TRAPPC11: variants seen among roughly 807,000 people sequenced by gnomAD.
The protein encoded by TRAPPC11 is trafficking protein particle complex subunit 11.
A neutral mutation model predicts 151.2 loss-of-function variants in TRAPPC11; 104 were observed. The observed-to-expected ratio is 0.69, with a 90% CI of 0.59 to 0.81. The LOEUF (loss-of-function observed/expected upper bound fraction) is 0.81. Ranked by LOEUF, TRAPPC11 falls within the 30% of genes least tolerant of loss-of-function variation. The pLI, the probability that TRAPPC11 is intolerant of heterozygous loss-of-function variation, is 0.00. For synonymous variants in TRAPPC11, 456 were observed against 472.3 expected, an observed-to-expected ratio of 0.97 and a Z score of 0.45; for missense variants, 1,230 against 1,349.6, an observed-to-expected ratio of 0.91 and a Z score of 1.39.
chr4:183,675,088 C>T (rs1735345920), intron 6 of TRAPPC11, 76 bp from the exon 7 acceptor site: 1 of 753,746 alleles, frequency 1.3e-6, no homozygotes, highest in Non-Finnish European at 2.0e-6. Flanking sequence ...TCTTTTATGT[C>T]TCCTCATAAT....
At chr4:183,703,945 A>C (rs550284234) in intron 26 of TRAPPC11, among the ~76,000 whole-genome samples, 1 of 152,362 alleles carries the variant, frequency 6.6e-6, no homozygotes, top group Admixed American at 6.5e-5. Flanking sequence ...GAGTTACAAT[A>C]GTGCTCTTCA....
intron 6 of TRAPPC11, 71 bp from the exon 7 acceptor site, chr4:183,675,093 C>A: frequency 1.3e-6 from 1 of 799,982 alleles, no homozygotes; most frequent in South Asian, 2.7e-5. Flanking sequence ...TATGTCTCCT[C>A]ATAATAAACA....
In TRAPPC11 at chr4:183,663,938, G is replaced by A; in HGVS notation, c.71G>A (p.Gly24Asp). ...CCTATGGCCTTTGTTACTCTAACGG[G>A]CCTGGATGTAGTTTATAATGCAGTC... Reference protein sequence around the residue: ...CRPMAFVTLTGLDVVYNAVHR... With the variant: ...CRPMAFVTLTDLDVVYNAVHR... The change falls in exon 2 of 30, where the codon GGC (glycine) becomes GAC (aspartate). Residue 24 changes from glycine (G) to aspartate (D), a missense_variant. By Grantham distance (94) the Gly-to-Asp change is moderately conservative (BLOSUM62 -1). Coordinates refer to ENST00000334690, the MANE Select transcript of TRAPPC11 (RefSeq NM_021942.6). The A allele has an allele frequency of 1.2e-6, 2 of 1,614,126 alleles. No individual in the cohort carries two copies. Among genetic ancestry groups the A allele is most frequent in the Non-Finnish European group, 1.7e-6 (2 of 1,180,036 alleles).
At chr4:183,689,863 A>G (rs1246077474) in intron 18 of TRAPPC11, among the ~76,000 whole-genome samples, 1 of 152,084 alleles carries the variant, frequency 6.6e-6, no homozygotes, top group Non-Finnish European at 1.5e-5. Flanking sequence ...ATATAAAGCA[A>G]TTAGTTTTAA....
At position 183,700,825 on chromosome 4, in the gene TRAPPC11, A is replaced by G. The variant is rs1579218445; in HGVS notation, c.2852-872A>G. 3.3e-5 allele frequency: 5 copies of G among 152,132 alleles called. No homozygotes were observed. In the East Asian group the frequency reaches 5.8e-4, roughly 18 times the overall value. 9.4% of individuals were successfully genotyped at this position (152,132 alleles called of 1,614,324 possible). On this transcript the variant is annotated intron_variant, in intron 25 of 29. Transcript: ENST00000334690. ...AAATCTGAAATCTGAAATGCTTTAA[A>G]GAACATTTCCTCTTTTAAAAAAAAA...
At chr4:183,673,252 C>T (rs143438066) in intron 5 of TRAPPC11, among the ~76,000 whole-genome samples, 1,961 of 152,218 alleles carry the variant, frequency 0.013, 18 homozygotes, top group Admixed American at 0.024. Context: ...GCACTGTGCC[C>T]GGCCCCCATT....
chr4:183,678,813 A>G (rs1410289439), intron 8 of TRAPPC11, among the ~76,000 whole-genome samples: 1 of 152,214 alleles, frequency 6.6e-6, no homozygotes, highest in African/African-American at 2.4e-5. Flanking sequence ...AAGCATATGG[A>G]AATAAATTTA....
intron 5 of TRAPPC11, among the ~76,000 whole-genome samples, chr4:183,673,883 AT>A (rs1298984879): frequency 6.6e-6 from 1 of 152,088 alleles, no homozygotes; most frequent in Admixed American, 6.5e-5. Flanking sequence ...CTCTGGTCAG[AT>A]TTTCTTGTTC....
At chr4:183,703,264 C>T (rs1303096064) in intron 26 of TRAPPC11, among the ~76,000 whole-genome samples, 1 of 152,162 alleles carries the variant, frequency 6.6e-6, no homozygotes, top group Non-Finnish European at 1.5e-5. Context: ...GAACCCTAAA[C>T]AGCTTATTTA....
At chr4:183,707,854 A>G (rs762833124) in intron 28 of TRAPPC11, among the ~76,000 whole-genome samples, 8 of 152,208 alleles carry the variant, frequency 5.3e-5, no homozygotes, top group Non-Finnish European at 1.0e-4. Flanking sequence ...ATCGTAGGAA[A>G]TATAAAGATG....
At position 183,713,417 on chromosome 4, in the gene TRAPPC11, C is replaced by G. The variant is rs1737419658; in HGVS notation, c.*773C>G. ...GTTATATTGTGCAGTTTCAAAAGAA[C>G]TATTTAAAACTCTTGAAAACTCATG... On this transcript the variant is annotated 3_prime_UTR_variant, in exon 30 of 30. Coordinates refer to ENST00000334690, the MANE Select transcript of TRAPPC11 (RefSeq NM_021942.6). 6.6e-6 allele frequency: 1 copy of G among 152,544 alleles called. No individual in the cohort carries two copies. The highest frequency in any genetic ancestry group is 1.5e-5 in the Non-Finnish European group (1 of 68,010). 9.4% of individuals were successfully genotyped at this position (152,544 alleles called of 1,614,324 possible).
rs1737197029 is a variant in TRAPPC11, at chr4:183,708,564, T to C, written c.3347T>C (p.Ile1116Thr). ...CTCAGGCGTTTTATACCTACCAGTA[T>C]TTTTGTCAAGGTAAAGCTTAGCAAT... The part of the protein sequence containing the change: ...QLLRRFIPTS[I>T]FVKPQGRLMD... Residue 1116 changes from isoleucine (I) to threonine (T), a missense_variant, in exon 29 of 30, where the codon ATT (isoleucine) becomes ACT (threonine). Physicochemically the swap from Ile to Thr is moderately conservative, Grantham distance 89. Coordinates refer to ENST00000334690, the MANE Select transcript of TRAPPC11 (RefSeq NM_021942.6). 1.2e-6 allele frequency: 2 copies of C among 1,613,680 alleles called. No homozygotes were observed. The highest frequency in any genetic ancestry group is 1.7e-6 in the Non-Finnish European group (2 of 1,179,884).
At chr4:183,672,240 G>A (rs1735190154) in intron 5 of TRAPPC11, among the ~76,000 whole-genome samples, 1 of 152,202 alleles carries the variant, frequency 6.6e-6, no homozygotes, top group African/African-American at 2.4e-5. Flanking sequence ...GTGTGGATTA[G>A]TGGGAGGAAG....
At chr4:183,669,690 G>A (rs1321618677) in intron 5 of TRAPPC11, among the ~76,000 whole-genome samples, 1 of 152,170 alleles carries the variant, frequency 6.6e-6, no homozygotes, top group Admixed American at 6.5e-5. Context: ...CTTCCAGTGG[G>A]TAGAGGCCAG....
chr4:183,680,901 C>A (rs1477117016), intron 10 of TRAPPC11, among the ~76,000 whole-genome samples: 1 of 151,794 alleles, frequency 6.6e-6, no homozygotes, highest in Non-Finnish European at 1.5e-5. Flanking sequence ...CCACGTTGGC[C>A]AGGCTGGTCT....
At position 183,661,548 on chromosome 4, in the gene TRAPPC11, T is replaced by C. The variant is rs1428582075; in HGVS notation, c.-22+2101T>C. ...CACCATACTCGGCTAATTTTTTGTG[T>C]TTTTAGTAGAGACGGGGTTTCACCA... On this transcript the variant is annotated intron_variant, in intron 1 of 29. Coordinates refer to ENST00000334690, the MANE Select transcript of TRAPPC11 (RefSeq NM_021942.6). Among the ~76,000 whole-genome samples the C allele has an allele frequency of 2.0e-5, 3 of 151,596 alleles. No homozygotes were observed. In the East Asian group the frequency reaches 5.8e-4, roughly 30 times the overall value.
chr4:183,663,433 C>G (rs1443745306), intron 1 of TRAPPC11, among the ~76,000 whole-genome samples: 5 of 152,156 alleles, frequency 3.3e-5, no homozygotes, highest in African/African-American at 1.2e-4. Context: ...CAGGGTTTCA[C>G]CGTGTTAGCC....
intron 7 of TRAPPC11, chr4:183,675,697 A>G (rs7683078): frequency 0.52 from 78,675 of 152,274 alleles, 21,525 homozygotes; most frequent in African/African-American, 0.71. Context: ...TTTAGCATAT[A>G]TGCTGCTGAA....
intron 25 of TRAPPC11, among the ~76,000 whole-genome samples, chr4:183,700,471 A>T (rs1736749138): frequency 6.6e-6 from 1 of 152,184 alleles, no homozygotes. Flanking sequence ...AGATTGCTAA[A>T]ATTGCCGTTA....
Sources: gnomAD v4.1 joint callset for allele counts (sites outside exome capture counted in the v4.1 genomes callset) on GRCh38, gnomAD v4.1.1 for gene constraint, MANE v1.5 for transcripts, NCBI Gene and HGNC (gene_info 2026-07-23, HGNC 2026-07-21) for gene names.